Variants in DTNA observed in about 807,000 individuals in gnomAD.
The protein encoded by DTNA is dystrobrevin alpha, also known as dystrophin-related protein 3.
DTNA carries 43 observed loss-of-function variants against 100.7 expected under a neutral mutation model. That is an observed-to-expected ratio of 0.43 (90% CI 0.33 to 0.55). The LOEUF is 0.55. Ranked by LOEUF, DTNA falls within the 20% of genes least tolerant of loss-of-function variation. The pLI, the probability that DTNA is intolerant of heterozygous loss-of-function variation, is 0.04. For synonymous variants in DTNA, 349 were observed against 347.9 expected (o/e 1.00, Z -0.04); for missense variants, 798 against 953.9 (o/e 0.84, Z 2.15).
chr18:34,494,185 T>C (rs909572228), intron 1 of DTNA, among the ~76,000 whole-genome samples: 7 of 151,990 alleles, frequency 4.6e-5, no homozygotes, highest in African/African-American at 1.7e-4. Flanking sequence ...GCTGAGCTGG[T>C]GGGAGGTGGA....
chr18:34,859,203 A>G (rs2096587759), intron 16 of DTNA, among the ~76,000 whole-genome samples: 1 of 152,222 alleles, frequency 6.6e-6, no homozygotes, highest in Non-Finnish European at 1.5e-5. Context: ...TATAGAAGTC[A>G]TCTTGTTACC....
Position 34,890,330 on chromosome 18 carries a change from C to T in DTNA, c.*2596C>T. On this transcript the variant is annotated 3_prime_UTR_variant, in exon 23 of 23. Transcript: ENST00000444659. ...CGTCAGCACTGAGACCAGACTCGAG[C>T]ACCCCTGTCCTGTAAGCGAGACAAA... 6.5e-7 allele frequency: 1 copy of T among 1,536,078 alleles called. No homozygotes were observed. Among genetic ancestry groups the T allele is most frequent in the Non-Finnish European group, 8.7e-7 (1 of 1,146,870 alleles).
At chr18:34,653,232 G>GAAA (rs1568128007) in intron 1 of DTNA, among the ~76,000 whole-genome samples, 2 of 151,930 alleles carry the variant, frequency 1.3e-5, no homozygotes, top group African/African-American at 4.8e-5. Flanking sequence ...GGAAAAAAAC[G>GAAA]AATAGGCTTC....
chr18:34,582,790 T>G (rs1402822), intron 1 of DTNA, among the ~76,000 whole-genome samples: 15,661 of 152,178 alleles, frequency 0.1, 1,172 homozygotes, highest in African/African-American at 0.21. Context: ...GAAGACTGAT[T>G]TCTCCAGACT....
chr18:34,750,209 C>A (rs2092176232), intron 1 of DTNA, among the ~76,000 whole-genome samples: 1 of 152,192 alleles, frequency 6.6e-6, no homozygotes, highest in African/African-American at 2.4e-5. Context: ...CATTGTCCTG[C>A]TTTTGTGGAT....
intron 16 of DTNA, among the ~76,000 whole-genome samples, chr18:34,861,461 G>A (rs1233860359): frequency 2.3e-5 from 3 of 132,710 alleles, no homozygotes; most frequent in Admixed American, 8.6e-5. Flanking sequence ...ACTCCAGCCT[G>A]GGCGACTGAG....
At chr18:34,562,371 A>C (rs2046717083) in intron 1 of DTNA, among the ~76,000 whole-genome samples, 1 of 152,218 alleles carries the variant, frequency 6.6e-6, no homozygotes, top group Non-Finnish European at 1.5e-5. Flanking sequence ...CCGTTATTTG[A>C]GTATGAACTA....
chr18:34,501,209 A>G (rs1025864825), intron 1 of DTNA, among the ~76,000 whole-genome samples: 2 of 152,220 alleles, frequency 1.3e-5, no homozygotes, highest in African/African-American at 4.8e-5. Flanking sequence ...TCTTCACCAA[A>G]TGATGTGATC....
chr18:34,640,872 T>C (rs1039313867), intron 1 of DTNA, among the ~76,000 whole-genome samples: 9 of 152,230 alleles, frequency 5.9e-5, no homozygotes, highest in Admixed American at 1.3e-4. Context: ...GCCTTCTAGC[T>C]GCTTTTCATT....
chr18:34,591,859 G>C (rs1363415094), intron 1 of DTNA, among the ~76,000 whole-genome samples: 1 of 152,066 alleles, frequency 6.6e-6, no homozygotes, highest in East Asian at 1.9e-4. Flanking sequence ...TCTATATGGG[G>C]CATCAAAATA....
intron 1 of DTNA, among the ~76,000 whole-genome samples, chr18:34,567,488 G>A (rs991084158): frequency 6.6e-6 from 1 of 152,040 alleles, no homozygotes; most frequent in Non-Finnish European, 1.5e-5. Context: ...TAAATACTTT[G>A]TGTTAGACTT....
intron 4 of DTNA, among the ~76,000 whole-genome samples, chr18:34,802,133 G>A (rs1276035809): frequency 2.0e-5 from 3 of 152,262 alleles, no homozygotes; most frequent in Non-Finnish European, 2.9e-5. Context: ...GAAGTATACA[G>A]ACTTTTTCTG....
intron 20 of DTNA, among the ~76,000 whole-genome samples, chr18:34,881,619 G>C (rs1366896960): frequency 6.6e-6 from 1 of 151,824 alleles, no homozygotes; most frequent in Non-Finnish European, 1.5e-5. Flanking sequence ...CACAAAAGAG[G>C]TTAAATTATA....
intron 1 of DTNA, among the ~76,000 whole-genome samples, chr18:34,544,970 C>CT (rs1462634725): frequency 6.6e-6 from 1 of 151,998 alleles, no homozygotes; most frequent in African/African-American, 2.4e-5. Flanking sequence ...TTGTTTAATA[C>CT]TGTGATTCCA....
At chr18:34,680,181 A>AAC (rs201941772) in intron 1 of DTNA, among the ~76,000 whole-genome samples, 82 of 152,030 alleles carry the variant, frequency 5.4e-4, no homozygotes, top group Non-Finnish European at 9.6e-4. Context: ...AGTTAAACAC[A>AAC]ACACACACAC....
At chr18:34,799,755 A>C (rs2095134037) in intron 4 of DTNA, among the ~76,000 whole-genome samples, 1 of 152,202 alleles carries the variant, frequency 6.6e-6, no homozygotes, top group African/African-American at 2.4e-5. Context: ...GATACATTAA[A>C]TATCCTAATG....
At chr18:34,791,250 C>T (rs1192021568) in intron 3 of DTNA, among the ~76,000 whole-genome samples, 1 of 152,166 alleles carries the variant, frequency 6.6e-6, no homozygotes, top group African/African-American at 2.4e-5. Flanking sequence ...GCTTTCTTGA[C>T]ATATACCCAT....
At chr18:34,747,575 G>T (rs1018825470) in intron 1 of DTNA, among the ~76,000 whole-genome samples, 1 of 152,050 alleles carries the variant, frequency 6.6e-6, no homozygotes, top group African/African-American at 2.4e-5. Context: ...CTCCCACTTA[G>T]AAGTGTGGAT....
At chr18:34,502,219 C>T (rs1187863481) in intron 1 of DTNA, among the ~76,000 whole-genome samples, 1 of 152,132 alleles carries the variant, frequency 6.6e-6, no homozygotes, top group East Asian at 1.9e-4. Flanking sequence ...AGTGCTATCC[C>T]ATGTTTCATT....
Sources: allele counts gnomAD v4.1 joint callset (sites outside exome capture counted in the v4.1 genomes callset), GRCh38; gene constraint gnomAD v4.1.1; transcripts MANE v1.5; gene names NCBI Gene and HGNC (gene_info 2026-07-23, HGNC 2026-07-21).